The following UCN3 variants were observed in gnomAD, a reference collection of about 807,000 sequenced individuals.
UCN3 encodes the protein urocortin 3.
UCN3 carries 3 observed loss-of-function variants against 3.6 expected under a neutral mutation model. That is an observed-to-expected ratio of 0.83 (90% CI 0.38 to 2.15). The LOEUF (loss-of-function observed/expected upper bound fraction) is 2.15, where lower values mean the gene tolerates loss of function less well. Among genes scored for constraint, UCN3 ranks in the 30% most tolerant of loss-of-function variants. UCN3 has a pLI of 0.06. For missense variants in UCN3, 206 were observed against 208.3 expected (o/e 0.99, Z 0.07); for synonymous variants, 100 against 93.2 (o/e 1.07, Z -0.42).
intron 1 of UCN3, among the ~76,000 whole-genome samples, chr10:5,372,313 G>T (rs1022771596): frequency 1.3e-5 from 2 of 152,234 alleles, no homozygotes; most frequent in Non-Finnish European, 1.5e-5. Flanking sequence ...GAACTCTGAC[G>T]GCCTCTGGCA....
chr10:5,370,262 CGT>C (rs1181416873), intron 1 of UCN3, among the ~76,000 whole-genome samples: 1 of 21,590 alleles, frequency 4.6e-5, no homozygotes, highest in Non-Finnish European at 8.6e-5. Flanking sequence ...TGTGTATATG[CGT>C]GTGTATATGC....
chr10:5,370,903 A>T (rs200639261), intron 1 of UCN3, among the ~76,000 whole-genome samples: 2 of 134,770 alleles, frequency 1.5e-5, no homozygotes, highest in Non-Finnish European at 3.1e-5. Flanking sequence ...ATGCGTGTGT[A>T]TATGCGTGTG....
intron 1 of UCN3, among the ~76,000 whole-genome samples, chr10:5,370,303 GTATA>G (rs1178356767): frequency 1.6e-5 from 1 of 63,666 alleles, no homozygotes; most frequent in Non-Finnish European, 2.9e-5. Context: ...GTATGCGTGT[GTATA>G]TGCGTGTATG....
rs563800499 is a variant in UCN3, at chr10:5,367,882, T to C, written c.-7+2652T>C. Reference sequence around the variant, plus strand: ...GTTCCCTGGGCTGGGGTGCAGGGTTTGAGTGAGGAAGCAAAATAAACAAAT... The same window carrying C: ...GTTCCCTGGGCTGGGGTGCAGGGTTCGAGTGAGGAAGCAAAATAAACAAAT... On this transcript the variant is annotated intron_variant, in intron 1 of 1. Transcript: ENST00000380433. The surrounding 1 kb of genome is among the most constrained non-coding windows in gnomAD (Gnocchi z 4.3). 6.6e-5 allele frequency among the ~76,000 whole-genome samples: 10 copies of C among 152,220 alleles called. No individual in the cohort carries two copies. Among genetic ancestry groups the C allele is most frequent in the African/African-American group, 2.4e-4 (10 of 41,532 alleles).
chr10:5,370,270 TATGC>T (rs1206702759), intron 1 of UCN3, among the ~76,000 whole-genome samples: 4 of 101,668 alleles, frequency 3.9e-5, no homozygotes, highest in Non-Finnish European at 8.0e-5. Flanking sequence ...TGCGTGTGTA[TATGC>T]GTGTGTATAT....
intron 1 of UCN3, among the ~76,000 whole-genome samples, chr10:5,371,550 C>T (rs547540021): frequency 6.6e-6 from 1 of 152,212 alleles, no homozygotes; most frequent in South Asian, 2.1e-4. Flanking sequence ...TTCTGTCCAT[C>T]GCTCACAGCC....
At chr10:5,370,198 TATATGC>T (rs1831345655) in intron 1 of UCN3, among the ~76,000 whole-genome samples, 1 of 73,302 alleles carries the variant, frequency 1.4e-5, no homozygotes, top group Non-Finnish European at 2.4e-5. Context: ...TATGCGTGTG[TATATGC>T]GTGTGTATGT....
chr10:5,371,674 G>A (rs971930351), intron 1 of UCN3, among the ~76,000 whole-genome samples: 2 of 152,252 alleles, frequency 1.3e-5, no homozygotes, highest in Non-Finnish European at 2.9e-5. Context: ...CTTGAGCACC[G>A]ACTGCCAGCC....
At position 5,374,274 on chromosome 10, in the gene UCN3, GGGGA is replaced by G; in HGVS notation, c.*72_*75del. ...GGGGAGGGGGAGGGGAGGGCGAGGGGGGGAGGGGAGGGGGAGGGTGCTGTCTGCT... is the reference window on the plus strand; with the variant it reads ...GGGGAGGGGGAGGGGAGGGCGAGGGGGGGGAGGGGGAGGGTGCTGTCTGCT... On this transcript the variant is annotated 3_prime_UTR_variant, in exon 2 of 2. Transcript: ENST00000380433. The G allele has an allele frequency of 1.8e-5, 10 of 544,228 alleles. No individual in the cohort carries two copies. Among genetic ancestry groups the G allele is most frequent in the South Asian group, 4.0e-5 (2 of 49,620 alleles). The allele number at this position is 544,228 out of a possible 1,614,324, so 33.7% of individuals were successfully genotyped here.
chr10:5,370,031 A>G (rs797042228), intron 1 of UCN3, among the ~76,000 whole-genome samples: 5 of 65,664 alleles, frequency 7.6e-5, no homozygotes, highest in Admixed American at 1.8e-4. Flanking sequence ...GTGTGTGTAT[A>G]TGCGTGTGTA....
At position 5,370,814 on chromosome 10, in the gene UCN3, CGT is replaced by C. The variant is rs1334754521; in HGVS notation, c.-6-2893_-6-2892del. On this transcript the variant is annotated intron_variant, in intron 1 of 1. Transcript: ENST00000380433. ...GTATGCGTGTGTATATGTGTGTGTG[CGT>C]GTGTGTGCGCGCGTGTGTGTGCGCG... is the stretch of plus-strand genomic sequence containing the variant. 2.9e-4 allele frequency among the ~76,000 whole-genome samples: 15 copies of C among 51,948 alleles called. 1 individual carries two copies. The highest frequency in any genetic ancestry group is 2.3e-3 in the Admixed American group (9 of 3,878). 34.1% of individuals were successfully genotyped at this position (51,948 alleles called of 152,430 possible).
At chr10:5,370,134 T>C (rs201473956) in intron 1 of UCN3, among the ~76,000 whole-genome samples, 14 of 91,030 alleles carry the variant, frequency 1.5e-4, no homozygotes, top group East Asian at 8.1e-4. Flanking sequence ...TGTGTGTATG[T>C]GTGTGTATGC....
chr10:5,370,017 A>C lies in UCN3; in HGVS notation c.-6-3698A>C, dbSNP rs202243615. 3.4e-5 allele frequency among the ~76,000 whole-genome samples: 2 copies of C among 58,878 alleles called. 1 individual carries two copies. The highest frequency in any genetic ancestry group is 6.2e-5 in the Non-Finnish European group (2 of 32,416). The allele number at this position is 58,878 out of a possible 152,430, so 38.6% of individuals were successfully genotyped here. ...TGTATGTGTGTGTGTATGTGTGTGTATATGTGTGTGTATATGCGTGTGTAT... is the reference window on the plus strand; with the variant it reads ...TGTATGTGTGTGTGTATGTGTGTGTCTATGTGTGTGTATATGCGTGTGTAT... On this transcript the variant is annotated intron_variant, in intron 1 of 1. Coordinates refer to ENST00000380433, the MANE Select transcript of UCN3 (RefSeq NM_053049.4).
intron 1 of UCN3, among the ~76,000 whole-genome samples, chr10:5,370,353 G>C (rs1588400111): frequency 1.9e-5 from 1 of 53,260 alleles, no homozygotes; most frequent in Admixed American, 2.4e-4. Context: ...GTGTGTATAT[G>C]TGTGTGTATA....
At chr10:5,370,757 G>C (rs1420720566) in intron 1 of UCN3, among the ~76,000 whole-genome samples, 2 of 137,574 alleles carry the variant, frequency 1.5e-5, no homozygotes, top group Non-Finnish European at 3.1e-5. Context: ...TATGATGTGT[G>C]TGTATATGCG....
chr10:5,372,822 TG>T (rs1192051812), intron 1 of UCN3, among the ~76,000 whole-genome samples: 12 of 151,776 alleles, frequency 7.9e-5, no homozygotes, highest in Admixed American at 5.3e-4. Context: ...CCCACAGTGC[TG>T]GGATTACAGG....
chr10:5,370,393 GTA>G (rs1240824642), intron 1 of UCN3, among the ~76,000 whole-genome samples: 4 of 101,376 alleles, frequency 3.9e-5, no homozygotes, highest in Non-Finnish European at 5.6e-5. Flanking sequence ...ATATGCGTGT[GTA>G]TATGTGTGTG....
intron 1 of UCN3, among the ~76,000 whole-genome samples, chr10:5,373,055 C>G (rs535501335): frequency 2.6e-5 from 4 of 152,202 alleles, no homozygotes; most frequent in South Asian, 4.2e-4. Context: ...GACGTTGGTG[C>G]TCCCTGGATG....
Position 5,370,881 on chromosome 10 carries a change from A to ATGCGTGTGTATG in UCN3, c.-6-2823_-6-2822insGTGCGTGTGTAT, listed in dbSNP as rs1831409845. 5.1e-4 allele frequency among the ~76,000 whole-genome samples: 41 copies of ATGCGTGTGTATG among 80,528 alleles called. 1 individual carries two copies. The highest frequency in any genetic ancestry group is 8.9e-4 in the South Asian group (2 of 2,256). 52.8% of individuals were successfully genotyped at this position (80,528 alleles called of 152,430 possible). A position where few individuals can be genotyped will look rare whatever the true frequency, so the allele number is the denominator to read the frequency against. The stretch of plus-strand genomic sequence containing the variant: ...TGTGTGCGTGTGTATGTGTGTGTAT[A>ATGCGTGTGTATG]TGCGTGTGTATATGCGTGTGTATAT... On this transcript the variant is annotated intron_variant, in intron 1 of 1. Coordinates refer to ENST00000380433, the MANE Select transcript of UCN3 (RefSeq NM_053049.4).
Sources: gnomAD v4.1 joint callset for allele counts (sites outside exome capture counted in the v4.1 genomes callset) on GRCh38, gnomAD v4.1.1 for gene constraint, Gnocchi (gnomAD v3.1) non-coding constraint, MANE v1.5 for transcripts, NCBI Gene and HGNC (gene_info 2026-07-23, HGNC 2026-07-21) for gene names.